The following C7orf57 variants were observed in gnomAD, a reference collection of about 807,000 sequenced individuals.
The protein encoded by C7orf57 is uncharacterized protein C7orf57.
Under a neutral mutation model 39.0 loss-of-function variants are expected in C7orf57, and 33 were observed. The ratio of observed to expected loss-of-function variants is 0.85; its 90% CI spans 0.64 to 1.13. C7orf57 has a LOEUF of 1.13. Among genes scored for constraint, C7orf57 ranks in the 50% most tolerant of loss-of-function variants. The pLI, the probability that C7orf57 is intolerant of heterozygous loss-of-function variation, is 0.00. For synonymous variants in C7orf57, 124 were observed against 137.1 expected (o/e 0.90, Z 0.67); for missense variants, 346 against 362.3 (o/e 0.95, Z 0.37).
chr7:48,050,000 C>T (rs779181414), intron 6 of C7orf57, 23 bp downstream of exon 6: 2 of 1,524,790 alleles, frequency 1.3e-6, no homozygotes, highest in Admixed American at 3.4e-5. Context: ...GCTACGCCCT[C>T]ACTGTCTGGA....
At chr7:48,040,376 C>T (rs1790511234) in intron 2 of C7orf57, among the ~76,000 whole-genome samples, 1 of 152,236 alleles carries the variant, frequency 6.6e-6, no homozygotes, top group African/African-American at 2.4e-5. Context: ...ACAATCTACA[C>T]TCACTGTGTT....
intron 6 of C7orf57, among the ~76,000 whole-genome samples, chr7:48,051,998 G>A (rs1206007175): frequency 3.7e-5 from 5 of 133,376 alleles, no homozygotes; most frequent in South Asian, 2.4e-4. Context: ...TTTTGAGACA[G>A]AGTCTCGCTC....
rs369752964 is a variant in C7orf57 at position 48,046,560 on chromosome 7, G to T, written c.451G>T (p.Asp151Tyr). 6.2e-7 allele frequency: 1 copy of T among 1,613,824 alleles called. No homozygotes were observed. Residue 151 changes from aspartate (D) to tyrosine (Y), a missense_variant, in exon 5 of 9, where the codon GAC becomes TAC. Asp to Tyr is a radical substitution (Grantham distance 160). Transcript: ENST00000348904. ...ATCCAGAAGAGGGCCCTTCGACTTC[G>T]ACATGAAAACAGTTTGGCAAAGAGA... Reference protein sequence around the residue: ...YASRRGPFDFDMKTVWQREAE... With the variant: ...YASRRGPFDFYMKTVWQREAE...
rs1245788102 is a variant in C7orf57, at chr7:48,054,662, T to C, written c.841+56T>C. ...ACACAAAAAGTCTTACACAAAGAAA[T>C]TGATGGACATAGTCCTGCATTCTGA... On this transcript the variant is annotated intron_variant, in intron 8 of 8. Transcript: ENST00000348904. The C allele has an allele frequency of 4.8e-6, 7 of 1,452,228 alleles. No homozygotes were observed. The South Asian group carries it at 4.9e-5, about 10-fold the overall frequency. The allele number at this position is 1,452,228 out of a possible 1,614,324, so 90.0% of individuals were successfully genotyped here. A position where few individuals can be genotyped will look rare whatever the true frequency, so the allele number is the denominator to read the frequency against.
At chr7:48,051,870 T>A (rs1368859349) in intron 6 of C7orf57, among the ~76,000 whole-genome samples, 1 of 72,878 alleles carries the variant, frequency 1.4e-5, no homozygotes, top group Non-Finnish European at 2.7e-5. Context: ...TTTCTTTCTT[T>A]CTCTTTCTCT....
At chr7:48,059,683 T>C (rs1791235177) in intron 8 of C7orf57, among the ~76,000 whole-genome samples, 1 of 152,218 alleles carries the variant, frequency 6.6e-6, no homozygotes, top group Non-Finnish European at 1.5e-5. Flanking sequence ...TTTCCCTCCA[T>C]GAGACACAAG....
chr7:48,043,793 G>T (rs1240056265), intron 4 of C7orf57, among the ~76,000 whole-genome samples: 2 of 152,072 alleles, frequency 1.3e-5, no homozygotes, highest in Non-Finnish European at 2.9e-5. Flanking sequence ...GTGGCATTTT[G>T]TGCCACCCTA....
chr7:48,058,217 T>A (rs541856017), intron 8 of C7orf57, among the ~76,000 whole-genome samples: 2 of 152,296 alleles, frequency 1.3e-5, no homozygotes, highest in East Asian at 3.9e-4. Context: ...ATAAAATGAG[T>A]TTGGAAGTGT....
At chr7:48,037,950 A>G (rs998083999) in intron 2 of C7orf57, among the ~76,000 whole-genome samples, 16 of 152,228 alleles carry the variant, frequency 1.1e-4, no homozygotes, top group Non-Finnish European at 2.1e-4. Context: ...TGGATTAATT[A>G]GTAATCAAAA....
At chr7:48,043,940 C>G (rs1295430460) in intron 4 of C7orf57, among the ~76,000 whole-genome samples, 1 of 152,034 alleles carries the variant, frequency 6.6e-6, no homozygotes, top group Non-Finnish European at 1.5e-5. Flanking sequence ...GGTGGCAAGC[C>G]TTTTGTTCTC....
At chr7:48,038,386 A>G (rs1468968986) in intron 2 of C7orf57, among the ~76,000 whole-genome samples, 1 of 120,402 alleles carries the variant, frequency 8.3e-6, no homozygotes, top group Non-Finnish European at 1.9e-5. Flanking sequence ...ATATACATAT[A>G]GATAGATAGA....
intron 4 of C7orf57, among the ~76,000 whole-genome samples, chr7:48,043,866 G>C (rs1018086739): frequency 6.6e-6 from 1 of 151,784 alleles, no homozygotes; most frequent in African/African-American, 2.4e-5. Flanking sequence ...GCGGGTCTTC[G>C]TTCTTAGAGC....
Position 48,058,271 on chromosome 7 carries a change from T to C in C7orf57, c.842-1955T>C, listed in dbSNP as rs148708862. ...TTTGGGACAGCTTGAGAAGGGTTAGTATGATTTCTTCCTTTACATGTTTGG... is the reference window on the plus strand; with the variant it reads ...TTTGGGACAGCTTGAGAAGGGTTAGCATGATTTCTTCCTTTACATGTTTGG... On this transcript the variant is annotated intron_variant, in intron 8 of 8. Transcript: ENST00000348904. 3.9e-5 allele frequency among the ~76,000 whole-genome samples: 6 copies of C among 152,308 alleles called. No individual in the cohort carries two copies. The East Asian group carries it at 1.2e-3, about 29-fold the overall frequency.
intron 6 of C7orf57, among the ~76,000 whole-genome samples, 196 bp from the exon 7 acceptor site, chr7:48,052,504 G>C (rs980809718): frequency 2.6e-5 from 4 of 152,114 alleles, no homozygotes; most frequent in African/African-American, 9.7e-5. Flanking sequence ...GAGACAGTGA[G>C]ACAGAGAAGC....
At chr7:48,051,859 CTTTCTTTCTT>C (rs1790946586) in intron 6 of C7orf57, among the ~76,000 whole-genome samples, 1 of 62,404 alleles carries the variant, frequency 1.6e-5, no homozygotes, top group African/African-American at 8.2e-5. Context: ...TTCTTTCTTT[CTTTCTTTCTT>C]TCTCTTTCTC....
chr7:48,042,685 T>TA (rs535635578), intron 3 of C7orf57, among the ~76,000 whole-genome samples: 1,393 of 136,574 alleles, frequency 0.01, 8 homozygotes, highest in Middle Eastern at 0.019. Context: ...GCTTTAAAAG[T>TA]AAAAAAAAAA....
chr7:48,057,559 A>C (rs1469599657), intron 8 of C7orf57, among the ~76,000 whole-genome samples: 2 of 152,162 alleles, frequency 1.3e-5, no homozygotes, highest in African/African-American at 4.8e-5. Flanking sequence ...TCACATTGTC[A>C]TCAAACAGAA....
rs572768165 is a variant in C7orf57, at chr7:48,050,296, G to C, written c.605+319G>C. ...AGATACCACCCTCACCACAGTTCAC[G>C]GGGACTGCTTGTCCTGCATGTAGGG... On this transcript the variant is annotated intron_variant, in intron 6 of 8. Transcript: ENST00000348904. Among the ~76,000 whole-genome samples, 16 of 152,288 alleles carry C rather than the reference G, an allele frequency of 1.1e-4. No homozygotes were observed. In the South Asian group the frequency reaches 2.1e-3, roughly 20 times the overall value.
intron 2 of C7orf57, 42 bp from the exon 3 acceptor site, chr7:48,041,284 CCACCCCGA>C (rs1361953143): frequency 6.5e-7 from 1 of 1,541,292 alleles, no homozygotes; most frequent in South Asian, 1.2e-5. Context: ...GGCCTAGAGG[CCACCCCGA>C]CACACAGCAA....
Sources: gnomAD v4.1 joint callset for allele counts (sites outside exome capture counted in the v4.1 genomes callset) on GRCh38, gnomAD v4.1.1 for gene constraint, MANE v1.5 for transcripts, NCBI Gene and HGNC (gene_info 2026-07-23, HGNC 2026-07-21) for gene names.